The following NFAM1 variants were observed in gnomAD, a reference collection of about 807,000 sequenced individuals.
The protein encoded by NFAM1 is NFAT activation molecule 1.
A neutral mutation model predicts 29.0 loss-of-function variants in NFAM1; 17 were observed. The observed-to-expected ratio is 0.59, with a 90% CI of 0.40 to 0.88. NFAM1 has a LOEUF of 0.88. Among genes scored for constraint, NFAM1 ranks in the 40% least tolerant of loss-of-function variants. NFAM1 has a pLI of 0.00. For synonymous variants in NFAM1, 175 were observed against 147.2 expected (o/e 1.19, Z -1.36); for missense variants, 324 against 344.6 (o/e 0.94, Z 0.47).
Position 42,419,989 on chromosome 22 carries a change from G to GTTTTTTTTTTTTTTTTT in NFAM1, c.122-8254_122-8253insAAAAAAAAAAAAAAAAA, listed in dbSNP as rs1491236869. 2.7e-4 allele frequency among the ~76,000 whole-genome samples: 15 copies of GTTTTTTTTTTTTTTTTT among 56,528 alleles called. 7 individuals are homozygous for GTTTTTTTTTTTTTTTTT. Among genetic ancestry groups the GTTTTTTTTTTTTTTTTT allele is most frequent in the Admixed American group, 3.5e-4 (2 of 5,726 alleles). 37.1% of individuals were successfully genotyped at this position (56,528 alleles called of 152,430 possible). A position where few individuals can be genotyped will look rare whatever the true frequency, so the allele number is the denominator to read the frequency against. The stretch of plus-strand genomic sequence containing the variant: ...CCTTTGAGTCTGTAATCCCACTCTT[G>GTTTTTTTTTTTTTTTTT]GTTTTTTTTTTTTTTTTTTTTTTTT... On this transcript the variant is annotated intron_variant, in intron 1 of 5. Transcript: ENST00000329021. This position sits in a 1 kb window ranked among gnomAD's most constrained non-coding sequence, Gnocchi z 4.5.
chr22:42,391,777 T>C (rs1193525695), intron 4 of NFAM1, among the ~76,000 whole-genome samples: 1 of 151,706 alleles, frequency 6.6e-6, no homozygotes, highest in Non-Finnish European at 1.5e-5. Flanking sequence ...AAACCCCATC[T>C]CTACTAAAAA....
chr22:42,424,297 C>T (rs1930548743), intron 1 of NFAM1, among the ~76,000 whole-genome samples: 1 of 152,082 alleles, frequency 6.6e-6, no homozygotes, highest in Non-Finnish European at 1.5e-5. Context: ...CGCCTGTAGT[C>T]CCAGCTACTC....
chr22:42,405,744 A>C (rs576826241), intron 3 of NFAM1, among the ~76,000 whole-genome samples: 1 of 152,150 alleles, frequency 6.6e-6, no homozygotes, highest in Non-Finnish European at 1.5e-5. Flanking sequence ...CGGAGCACAG[A>C]GCCCTCCTGG....
rs550916047 is a variant in NFAM1 at position 42,397,868 on chromosome 22, G to T, written c.653C>A (p.Ser218Tyr). ...GGCCCCGGGACTCACTGTGTAGACAGATTCTGAAGGATGCTGCTTGGGGCT... is the reference window on the plus strand; with the variant it reads ...GGCCCCGGGACTCACTGTGTAGACATATTCTGAAGGATGCTGCTTGGGGCT... Reference protein sequence around the residue: ...ASSPKQHPSESVYTALQRRET... With the variant: ...ASSPKQHPSEYVYTALQRRET... The change falls in exon 4 of 6, where the codon TCT becomes TAT. Residue 218 changes from serine to tyrosine, a missense_variant. Transcript: ENST00000329021. 2 of 1,610,988 alleles carry T rather than the reference G, an allele frequency of 1.2e-6. No individual in the cohort carries two copies. Among genetic ancestry groups the T allele is most frequent in the Non-Finnish European group, 1.7e-6 (2 of 1,177,224 alleles).
Position 42,390,645 on chromosome 22 carries a change from C to T in NFAM1, c.664-3567G>A, listed in dbSNP as rs371743682. ...CAGCCCAGCCAACATGGCAAAACCC[C>T]GTCTTTACTAAAAATACAAAAATTA... is the stretch of plus-strand genomic sequence containing the variant. On this transcript the variant is annotated intron_variant, in intron 4 of 5. Transcript: ENST00000329021. 3.9e-5 allele frequency among the ~76,000 whole-genome samples: 6 copies of T among 152,078 alleles called. No individual in the cohort carries two copies. The East Asian group carries it at 5.8e-4, about 15-fold the overall frequency.
chr22:42,393,165 T>C (rs1276674883), intron 4 of NFAM1, among the ~76,000 whole-genome samples: 1 of 152,024 alleles, frequency 6.6e-6, no homozygotes, highest in Non-Finnish European at 1.5e-5. Flanking sequence ...AAAGCAAGAA[T>C]TGACAATAAT....
In NFAM1 at chr22:42,409,051, C is replaced by A. The variant is rs1387824548; in HGVS notation, c.564+384G>T. Among the ~76,000 whole-genome samples the A allele has an allele frequency of 6.6e-6, 1 of 152,082 alleles. No homozygotes were observed. Among genetic ancestry groups the A allele is most frequent in the Non-Finnish European group, 1.5e-5 (1 of 67,996 alleles). ...AGTGGGAGGGTGTGTGGGAGAGCAC[C>A]TGTGTGAGTGGCTGGTAGCCCCTTC... On this transcript the variant is annotated intron_variant, in intron 3 of 5. Transcript: ENST00000329021. The surrounding 1 kb of genome is among the most constrained non-coding windows in gnomAD (Gnocchi z 4.9).
chr22:42,424,515 C>CA (rs1930559934), intron 1 of NFAM1, among the ~76,000 whole-genome samples: 1 of 152,208 alleles, frequency 6.6e-6, no homozygotes, highest in Non-Finnish European at 1.5e-5. Context: ...CGAACTTGTT[C>CA]AGCTGAACAG....
chr22:42,394,197 G>A (rs970512333), intron 4 of NFAM1, among the ~76,000 whole-genome samples: 5 of 151,356 alleles, frequency 3.3e-5, no homozygotes, highest in African/African-American at 7.3e-5. Context: ...CACCATGCCC[G>A]GCTAATTTTT....
chr22:42,417,972 C>T (rs1022176848), intron 1 of NFAM1, among the ~76,000 whole-genome samples: 2 of 152,218 alleles, frequency 1.3e-5, no homozygotes, highest in Non-Finnish European at 2.9e-5. Flanking sequence ...ATCTGGGCAG[C>T]GCCGTGGATC....
At chr22:42,429,414 G>A (rs902279609) in intron 1 of NFAM1, among the ~76,000 whole-genome samples, 4 of 152,112 alleles carry the variant, frequency 2.6e-5, no homozygotes, top group Admixed American at 6.6e-5. Context: ...TCAGGAGTTC[G>A]AGACCAGCCT....
At chr22:42,437,286 G>A (rs756151019), upstream of NFAM1, among the ~76,000 whole-genome samples, 31 of 151,808 alleles carry the variant, frequency 2.0e-4, no homozygotes, top group Non-Finnish European at 4.3e-4. Context: ...GGGATTAAAG[G>A]CACCCACCAC....
intron 3 of NFAM1, among the ~76,000 whole-genome samples, chr22:42,404,452 C>T (rs2147102657): frequency 6.6e-6 from 1 of 152,248 alleles, no homozygotes; most frequent in East Asian, 1.9e-4. Flanking sequence ...GAACCAGGGG[C>T]TCCCAGGGCT....
Position 42,412,916 on chromosome 22 carries a change from C to A in NFAM1, c.122-1180G>T, listed in dbSNP as rs564860669. ...GTTTTGTAGGAGCCACCCCTCCCCC[C>A]ACTCATCAGAGGCACCTCAGAAAAC... On this transcript the variant is annotated intron_variant, in intron 1 of 5. Coordinates refer to ENST00000329021, the MANE Select transcript of NFAM1 (RefSeq NM_145912.8). Among the ~76,000 whole-genome samples, 17 of 152,310 alleles carry A rather than the reference C, an allele frequency of 1.1e-4. No individual in the cohort carries two copies. In the South Asian group the frequency reaches 3.3e-3, roughly 30 times the overall value.
At chr22:42,421,360 G>A (rs2146549833) in intron 1 of NFAM1, among the ~76,000 whole-genome samples, 1 of 151,152 alleles carries the variant, frequency 6.6e-6, no homozygotes, top group East Asian at 1.9e-4. Flanking sequence ...GGAGGCTGAG[G>A]CAGGAACCTG....
chr22:42,435,815 C>CT (rs890914167), upstream of NFAM1, among the ~76,000 whole-genome samples: 8,527 of 94,012 alleles, frequency 0.091, 530 homozygotes, highest in African/African-American at 0.24. Flanking sequence ...TTTTCTTCTT[C>CT]TTTTTTTTTT....
intron 4 of NFAM1, among the ~76,000 whole-genome samples, chr22:42,391,318 T>TG (rs2147092321): frequency 8.3e-6 from 1 of 120,492 alleles, no homozygotes; most frequent in Admixed American, 1.1e-4. Context: ...CCAGGATCAT[T>TG]GGCTACTGCC....
chr22:42,408,307 C>T (rs984589548), intron 3 of NFAM1, among the ~76,000 whole-genome samples: 32 of 152,182 alleles, frequency 2.1e-4, no homozygotes, highest in African/African-American at 6.3e-4. Flanking sequence ...CATAAATTCC[C>T]GTGGAAGAGA....
At chr22:42,421,619 C>T (rs965997562) in intron 1 of NFAM1, among the ~76,000 whole-genome samples, 16 of 152,092 alleles carry the variant, frequency 1.1e-4, no homozygotes, top group African/African-American at 3.9e-4. Flanking sequence ...TCCCGGCTCC[C>T]CACTGCATGG....
Sources: gnomAD v4.1 joint callset for allele counts (sites outside exome capture counted in the v4.1 genomes callset) on GRCh38, gnomAD v4.1.1 for gene constraint, Gnocchi (gnomAD v3.1) non-coding constraint, MANE v1.5 for transcripts, NCBI Gene and HGNC (gene_info 2026-07-23, HGNC 2026-07-21) for gene names.